The following DGKI variants were observed in gnomAD, a reference collection of about 807,000 sequenced individuals.
The protein encoded by DGKI is DAG kinase iota.
In DGKI, 55 loss-of-function variants were observed where a neutral mutation model predicts 147.5. The observed-to-expected ratio is 0.37, with a 90% CI of 0.30 to 0.47. The LOEUF (loss-of-function observed/expected upper bound fraction) is 0.47. Among genes scored for constraint, DGKI ranks in the 20% least tolerant of loss-of-function variants. DGKI has a pLI of 1.00. For synonymous variants in DGKI, 469 were observed against 477.1 expected (o/e 0.98, Z 0.22); for missense variants, 1,007 against 1,323.8 (o/e 0.76, Z 3.71).
chr7:137,664,824 T>C (rs1294508497), intron 3 of DGKI, among the ~76,000 whole-genome samples: 1 of 152,036 alleles, frequency 6.6e-6, no homozygotes, highest in African/African-American at 2.4e-5. Flanking sequence ...ATATAATATA[T>C]TGACAGAAAT....
intron 1 of DGKI, chr7:137,774,572 T>TA (rs1393078547): frequency 1.9e-4 from 29 of 151,634 alleles, no homozygotes; most frequent in African/African-American, 6.3e-4. Flanking sequence ...ACACACAGAG[T>TA]AAAAAATAAA....
intron 1 of DGKI, among the ~76,000 whole-genome samples, chr7:137,808,903 G>T (rs1047099656): frequency 1.1e-4 from 16 of 152,172 alleles, no homozygotes; most frequent in African/African-American, 3.9e-4. Flanking sequence ...TGGACGTGGG[G>T]ATGGCTAAGT....
At chr7:137,732,276 C>G (rs1449376989) in intron 1 of DGKI, among the ~76,000 whole-genome samples, 1 of 151,870 alleles carries the variant, frequency 6.6e-6, no homozygotes, top group Admixed American at 6.6e-5. Context: ...ATTGAGTTTC[C>G]CCATGTTGCA....
chr7:137,549,715 T>C (rs1817982518), intron 20 of DGKI, among the ~76,000 whole-genome samples: 1 of 152,226 alleles, frequency 6.6e-6, no homozygotes, highest in Non-Finnish European at 1.5e-5. Context: ...AGAACACTTA[T>C]AGAACAGTCT....
At chr7:137,643,160 G>A (rs1039846989) in intron 6 of DGKI, among the ~76,000 whole-genome samples, 6 of 151,560 alleles carry the variant, frequency 4.0e-5, no homozygotes, top group Non-Finnish European at 7.4e-5. Flanking sequence ...GCGTGTTGGC[G>A]GGCGCCTGTA....
At chr7:137,812,848 A>G (rs972080592) in intron 1 of DGKI, among the ~76,000 whole-genome samples, 6 of 152,216 alleles carry the variant, frequency 3.9e-5, no homozygotes, top group Non-Finnish European at 7.3e-5. Context: ...CTAATTAGGT[A>G]TATAGTCATA....
In DGKI at chr7:137,387,554, A is replaced by G. The variant is rs1370769028; in HGVS notation, c.*3666T>C. 1.3e-5 allele frequency: 2 copies of G among 152,192 alleles called. No homozygotes were observed. Among genetic ancestry groups the G allele is most frequent in the Non-Finnish European group, 2.9e-5 (2 of 68,030 alleles). 9.4% of individuals were successfully genotyped at this position (152,192 alleles called of 1,614,324 possible). On this transcript the variant is annotated 3_prime_UTR_variant, in exon 33 of 33. Coordinates refer to ENST00000614521, the MANE Select transcript of DGKI (RefSeq NM_001321708.2). ...CATACTTGCATGTGTATATAAATAA[A>G]TGTCTATATATGTGTGTAAATGTAT...
intron 1 of DGKI, among the ~76,000 whole-genome samples, chr7:137,759,661 A>G (rs1471044725): frequency 1.3e-5 from 2 of 152,176 alleles, no homozygotes; most frequent in Non-Finnish European, 2.9e-5. Context: ...TCTTATTGAT[A>G]GAGATTCTCA....
intron 3 of DGKI, among the ~76,000 whole-genome samples, chr7:137,672,383 G>A (rs1357784845): frequency 6.6e-6 from 1 of 152,188 alleles, no homozygotes; most frequent in Non-Finnish European, 1.5e-5. Flanking sequence ...CACCCCAAAA[G>A]GTTGTTGTTA....
intron 23 of DGKI, among the ~76,000 whole-genome samples, chr7:137,480,224 T>C (rs1180276765): frequency 1.3e-5 from 2 of 152,178 alleles, no homozygotes; most frequent in Admixed American, 1.3e-4. Context: ...CTGACAGCTT[T>C]AATCTAGTCC....
chr7:137,788,843 A>G (rs1467242148), intron 1 of DGKI, among the ~76,000 whole-genome samples: 1 of 152,172 alleles, frequency 6.6e-6, no homozygotes, highest in East Asian at 1.9e-4. Flanking sequence ...TTTTATTTCA[A>G]TCATCTCTGT....
chr7:137,819,218 C>T (rs1178128596), intron 1 of DGKI, among the ~76,000 whole-genome samples: 2 of 152,080 alleles, frequency 1.3e-5, no homozygotes, highest in Non-Finnish European at 2.9e-5. Flanking sequence ...TACTCACAGA[C>T]GTTACACCAG....
intron 20 of DGKI, among the ~76,000 whole-genome samples, chr7:137,529,841 C>T (rs1037802855): frequency 6.6e-6 from 1 of 152,190 alleles, no homozygotes; most frequent in Non-Finnish European, 1.5e-5. Context: ...CCTCTGCCTC[C>T]TGGGTTCAAG....
intron 2 of DGKI, among the ~76,000 whole-genome samples, chr7:137,687,466 G>A (rs1823458695): frequency 6.6e-6 from 1 of 152,176 alleles, no homozygotes; most frequent in South Asian, 2.1e-4. Flanking sequence ...AGAGGTGACT[G>A]TTTTTGCACC....
At chr7:137,590,107 G>C (rs535124167) in intron 12 of DGKI, among the ~76,000 whole-genome samples, 1 of 152,136 alleles carries the variant, frequency 6.6e-6, no homozygotes, top group Non-Finnish European at 1.5e-5. Flanking sequence ...GTAAAGGCTT[G>C]GATCAGCTTG....
At chr7:137,665,437 A>G (rs1414164776) in intron 3 of DGKI, among the ~76,000 whole-genome samples, 1 of 152,192 alleles carries the variant, frequency 6.6e-6, no homozygotes, top group Non-Finnish European at 1.5e-5. Flanking sequence ...GTTCATGTGT[A>G]TGCTGGGCTG....
intron 8 of DGKI, among the ~76,000 whole-genome samples, chr7:137,610,218 G>T (rs1372602125): frequency 6.6e-6 from 1 of 152,088 alleles, no homozygotes; most frequent in African/African-American, 2.4e-5. Context: ...ATGAGAGTGG[G>T]ATGGAAGTCA....
intron 3 of DGKI, among the ~76,000 whole-genome samples, chr7:137,677,403 T>C (rs1823072728): frequency 5.3e-5 from 8 of 152,216 alleles, no homozygotes. Context: ...ATCCAGAGCC[T>C]GTTCATCTGG....
At chr7:137,773,549 T>C in intron 1 of DGKI, among the ~76,000 whole-genome samples, 1 of 152,122 alleles carries the variant, frequency 6.6e-6, no homozygotes, top group East Asian at 1.9e-4. Context: ...ATCAGGCAGC[T>C]GAACTGAATA....
Sources: allele counts gnomAD v4.1 joint callset (sites outside exome capture counted in the v4.1 genomes callset), GRCh38; gene constraint gnomAD v4.1.1; transcripts MANE v1.5; gene names NCBI Gene and HGNC (gene_info 2026-07-23, HGNC 2026-07-21).